The following UBL7 variants were observed in gnomAD, a reference collection of about 807,000 sequenced individuals.
The protein encoded by UBL7 is ubiquitin like 7, also known as ubiquitin-like protein 7.
Under a neutral mutation model 41.7 loss-of-function variants are expected in UBL7, and 21 were observed. The observed-to-expected ratio is 0.50, with a 90% CI of 0.36 to 0.73. The LOEUF (loss-of-function observed/expected upper bound fraction) is 0.73, where lower values mean the gene tolerates loss of function less well. Ranked by LOEUF, UBL7 falls within the 30% of genes least tolerant of loss-of-function variation. The pLI is 0.00. For synonymous variants in UBL7, 157 were observed against 186.9 expected, an observed-to-expected ratio of 0.84 and a Z score of 1.31; for missense variants, 403 against 478.4, an observed-to-expected ratio of 0.84 and a Z score of 1.47.
chr15:74,453,502 T>C (rs2061268475), intron 3 of UBL7, among the ~76,000 whole-genome samples: 1 of 151,536 alleles, frequency 6.6e-6, no homozygotes, highest in Non-Finnish European at 1.5e-5. Flanking sequence ...GAAATGGGTA[T>C]CAAAGAGAGA....
intron 3 of UBL7, among the ~76,000 whole-genome samples, chr15:74,456,316 A>C (rs897557260): frequency 3.3e-5 from 5 of 152,262 alleles, no homozygotes; most frequent in East Asian, 3.9e-4. Flanking sequence ...AAACCAAAAA[A>C]CAAAAAACAA....
rs752524107 is a variant in UBL7 at position 74,449,691 on chromosome 15, C to A, written c.665-16G>T. On this transcript the variant is annotated splice_polypyrimidine_tract_variant and intron_variant, in intron 7 of 10. Transcript: ENST00000395081. ...AGGAAGCCACCTGGAGGAGGACGAA[C>A]AGATTTCAGGAGGAAGAACAGAAAG... The A allele has an allele frequency of 3.1e-6, 5 of 1,614,136 alleles. No homozygotes were observed. The highest frequency in any genetic ancestry group is 4.2e-6 in the Non-Finnish European group (5 of 1,180,022).
intron 6 of UBL7, among the ~76,000 whole-genome samples, chr15:74,450,572 T>C (rs1445924033): frequency 6.6e-6 from 1 of 152,200 alleles, no homozygotes; most frequent in Non-Finnish European, 1.5e-5. Flanking sequence ...AAACCTAAAC[T>C]GAGCCTGGCA....
chr15:74,455,082 C>T (rs940632062), intron 3 of UBL7, among the ~76,000 whole-genome samples: 2 of 152,200 alleles, frequency 1.3e-5, no homozygotes, highest in African/African-American at 4.8e-5. Context: ...GATTCCAGGG[C>T]CTGGCTGTGA....
At chr15:74,457,688 G>C (rs752258354) in intron 2 of UBL7, among the ~76,000 whole-genome samples, 44 of 140,110 alleles carry the variant, frequency 3.1e-4, no homozygotes, top group Middle Eastern at 4.1e-3. Context: ...AATGAGCTGA[G>C]ATCTCGCCAC....
intron 1 of UBL7, among the ~76,000 whole-genome samples, chr15:74,459,736 C>T (rs1159733443): frequency 6.6e-6 from 1 of 151,194 alleles, no homozygotes; most frequent in Admixed American, 6.6e-5. Context: ...GAGGCCTAGG[C>T]GGGCGGATTG....
At position 74,461,073 on chromosome 15, in the gene UBL7, C is replaced by G; in HGVS notation, c.-66G>C. ...GACCAGCTACTTGGCTGACACACAT[C>G]GAGCCCGCGCTGCCCAGGGCCCCAG... On this transcript the variant is annotated 5_prime_UTR_variant, in exon 1 of 11. Transcript: ENST00000395081. 1 of 1,017,798 alleles carries G rather than the reference C, an allele frequency of 9.8e-7. No homozygotes were observed. The highest frequency in any genetic ancestry group is 3.4e-5 in the South Asian group (1 of 29,216). The allele number at this position is 1,017,798 out of a possible 1,614,324, so 63.0% of individuals were successfully genotyped here.
In UBL7 at chr15:74,461,066, C is replaced by T. The variant is rs1272484387; in HGVS notation, c.-59G>A. ...CCAGTGGGACCAGCTACTTGGCTGA[C>T]ACACATCGAGCCCGCGCTGCCCAGG... is the stretch of plus-strand genomic sequence containing the variant. On this transcript the variant is annotated 5_prime_UTR_variant, in exon 1 of 11. Coordinates refer to ENST00000395081, the MANE Select transcript of UBL7 (RefSeq NM_032907.5). The T allele has an allele frequency of 3.9e-6, 4 of 1,027,032 alleles. No individual in the cohort carries two copies. Among genetic ancestry groups the T allele is most frequent in the East Asian group, 1.0e-4 (1 of 9,892 alleles). 63.6% of individuals were successfully genotyped at this position (1,027,032 alleles called of 1,614,324 possible).
intron 1 of UBL7, 134 bp downstream of exon 1, chr15:74,460,903 T>A: frequency 8.5e-7 from 1 of 1,170,586 alleles, no homozygotes; most frequent in Non-Finnish European, 1.1e-6. Flanking sequence ...TCTCACTTAA[T>A]CCTCACAACG....
intron 1 of UBL7, among the ~76,000 whole-genome samples, chr15:74,460,406 C>A (rs56253831): frequency 0.022 from 3,399 of 152,254 alleles, 128 homozygotes; most frequent in African/African-American, 0.079. Context: ...TAAGTACACA[C>A]TCATAACAAA....
chr15:74,449,339 T>C lies in UBL7; in HGVS notation c.729A>G (p.Thr243=), dbSNP rs1200699809. ...EDDFHPNTRS[T]PSSSTPSSRP... ...GGGAGCTGGGAGTACTGCTAGAGGG[T>C]GTGGACCTGGTGTTCTGGAGAAAGA... The change falls in exon 9 of 11, where the codon ACA becomes ACG. Residue 243 remains threonine (T), a synonymous_variant. Transcript: ENST00000395081. 1 of 1,613,914 alleles carries C rather than the reference T, an allele frequency of 6.2e-7. No homozygotes were observed. Among genetic ancestry groups the C allele is most frequent in the South Asian group, 1.1e-5 (1 of 91,066 alleles).
Position 74,449,190 on chromosome 15 carries a change from G to C in UBL7, c.878C>G (p.Thr293Ser), listed in dbSNP as rs779308214. 2 of 1,547,700 alleles carry C rather than the reference G, an allele frequency of 1.3e-6. No homozygotes were observed. The highest frequency in any genetic ancestry group is 2.5e-5 in the South Asian group (2 of 80,142). The change falls in exon 9 of 11, where the codon ACC (threonine) becomes AGC (serine). Residue 293 changes from threonine (T) to serine (S), a missense_variant. By Grantham distance (58) the Thr-to-Ser change is moderately conservative. Coordinates refer to ENST00000395081, the MANE Select transcript of UBL7 (RefSeq NM_032907.5). ...ESSSHTPTPGTQGHSSGTSPM... is the reference protein window; with the variant it reads ...ESSSHTPTPGSQGHSSGTSPM... ...TTCCCGGCCCCGTCTTCATACCTGG[G>C]TGCCAGGAGTCGGTGTGTGAGAGCT... is the stretch of plus-strand genomic sequence containing the variant.
At chr15:74,455,785 G>A (rs2061287960) in intron 3 of UBL7, among the ~76,000 whole-genome samples, 1 of 152,032 alleles carries the variant, frequency 6.6e-6, no homozygotes, top group South Asian at 2.1e-4. Context: ...TCAGGAGTTC[G>A]AGACCAGGTT....
At chr15:74,447,985 C>T (rs2061201647) in intron 10 of UBL7, among the ~76,000 whole-genome samples, 1 of 152,212 alleles carries the variant, frequency 6.6e-6, no homozygotes, top group Admixed American at 6.5e-5. Context: ...GGCTAGCTAA[C>T]TTCTAACTAA....
intron 1 of UBL7, chr15:74,460,775 A>C: frequency 5.5e-6 from 7 of 1,275,964 alleles, no homozygotes; most frequent in Non-Finnish European, 7.1e-6. Context: ...TTCCAAAGAG[A>C]CCTCTGATAG....
intron 8 of UBL7, 38 bp downstream of exon 8, chr15:74,449,588 A>ACATGT (rs1567087579): frequency 6.2e-7 from 1 of 1,613,892 alleles, no homozygotes; most frequent in South Asian, 1.1e-5. Context: ...CATCTCCCCC[A>ACATGT]CATGTCAGCA....
rs1307894604 is a variant in UBL7 at position 74,450,014 on chromosome 15, CG to C, written c.585del (p.Val196Ter). 1.2e-6 allele frequency: 2 copies of C among 1,613,558 alleles called. No homozygotes were observed. The highest frequency in any genetic ancestry group is 1.7e-6 in the Non-Finnish European group (2 of 1,179,858). On this transcript the variant is annotated frameshift_variant, in exon 7 of 11. Coordinates refer to ENST00000395081, the MANE Select transcript of UBL7 (RefSeq NM_032907.5). LOFTEE classifies it high-confidence loss of function. ...LVNAIVLVLH[S>X]VAGSAPMPGT... is the part of the protein sequence containing the mutation. ...CCAGGCATTGGGGCACTGCCTGCTA[CG>C]GAGTGCAGAACCAGGACAATGGCAT...
intron 4 of UBL7, 41 bp from the exon 5 acceptor site, chr15:74,451,561 C>T: frequency 6.5e-7 from 1 of 1,533,990 alleles, no homozygotes; most frequent in Non-Finnish European, 9.0e-7. Context: ...CCAACCAGCT[C>T]AATGTACTCA....
At chr15:74,449,884 T>A in intron 7 of UBL7, 52 bp downstream of exon 7, 1 of 1,577,482 alleles carries the variant, frequency 6.3e-7, no homozygotes. Context: ...AGCAAATTCC[T>A]GGGCCACTGC....
Sources: gnomAD v4.1 joint callset for allele counts (sites outside exome capture counted in the v4.1 genomes callset) on GRCh38, gnomAD v4.1.1 for gene constraint, MANE v1.5 for transcripts, NCBI Gene and HGNC (gene_info 2026-07-23, HGNC 2026-07-21) for gene names.